Variants in FRMD3 observed in about 807,000 individuals in gnomAD.
FRMD3 encodes the protein FERM domain-containing protein 3.
In FRMD3, 33 loss-of-function variants were observed where a neutral mutation model predicts 70.2. That is an observed-to-expected ratio of 0.47 (90% CI 0.36 to 0.63). FRMD3 has a LOEUF of 0.63. Among genes scored for constraint, FRMD3 ranks in the 20% least tolerant of loss-of-function variants. The pLI is 0.00. For synonymous variants in FRMD3, 279 were observed against 255.9 expected, an observed-to-expected ratio of 1.09 and a Z score of -0.86; for missense variants, 632 against 711.4, an observed-to-expected ratio of 0.89 and a Z score of 1.27.
intron 1 of FRMD3, among the ~76,000 whole-genome samples, chr9:83,479,755 G>GAA (rs1564097028): frequency 6.5e-5 from 4 of 61,434 alleles, no homozygotes; most frequent in African/African-American, 2.5e-4. Flanking sequence ...GAAAAGAGAA[G>GAA]AAGAAGGGAG....
the FRMD3 span, among the ~76,000 whole-genome samples, chr9:83,551,875 T>C: frequency 6.6e-6 from 1 of 151,888 alleles, no homozygotes; most frequent in African/African-American, 2.4e-5. Flanking sequence ...GCTTCTTAAT[T>C]AGTCTAGCTA....
At chr9:83,291,018 A>C (rs1322375984) in intron 12 of FRMD3, among the ~76,000 whole-genome samples, 1 of 152,198 alleles carries the variant, frequency 6.6e-6, no homozygotes, top group Non-Finnish European at 1.5e-5. Flanking sequence ...GTTTTTTAAA[A>C]AAAAAGAAAG....
intron 6 of FRMD3, among the ~76,000 whole-genome samples, chr9:83,313,994 G>A (rs369001904): frequency 2.6e-5 from 4 of 152,172 alleles, no homozygotes; most frequent in East Asian, 1.9e-4. Flanking sequence ...CCAGTGATCC[G>A]TACAGTTAAT....
chr9:83,274,444 T>G (rs1833725810), intron 13 of FRMD3, among the ~76,000 whole-genome samples: 1 of 152,192 alleles, frequency 6.6e-6, no homozygotes, highest in Non-Finnish European at 1.5e-5. Context: ...TAATGCCATG[T>G]CATGTCAAGA....
At chr9:83,557,709 T>C in the FRMD3 span, among the ~76,000 whole-genome samples, 1 of 152,170 alleles carries the variant, frequency 6.6e-6, no homozygotes, top group African/African-American at 2.4e-5. Context: ...AATCAAACTA[T>C]TGCAGATGAA....
intron 13 of FRMD3, among the ~76,000 whole-genome samples, chr9:83,254,923 C>T (rs928011053): frequency 2.6e-5 from 4 of 152,032 alleles, no homozygotes; most frequent in African/African-American, 9.7e-5. Context: ...AAGACAGATT[C>T]AGAACTGAAA....
intron 3 of FRMD3, among the ~76,000 whole-genome samples, chr9:83,370,730 G>T (rs1824944251): frequency 6.6e-6 from 1 of 152,142 alleles, no homozygotes; most frequent in Admixed American, 6.5e-5. Context: ...TGGCCAACAT[G>T]GTGAAACCCG....
intron 1 of FRMD3, among the ~76,000 whole-genome samples, chr9:83,527,928 T>C (rs1349483855): frequency 1.3e-5 from 2 of 152,222 alleles, no homozygotes; most frequent in African/African-American, 2.4e-5. Flanking sequence ...AAGAGGGCCA[T>C]GTTATCCTCC....
intron 3 of FRMD3, among the ~76,000 whole-genome samples, chr9:83,366,184 A>T (rs1041765088): frequency 6.6e-6 from 1 of 150,996 alleles, no homozygotes; most frequent in Non-Finnish European, 1.5e-5. Context: ...CATATGGAAG[A>T]AAAAAAAACA....
At chr9:83,500,092 G>T (rs904156744) in intron 1 of FRMD3, among the ~76,000 whole-genome samples, 1 of 152,072 alleles carries the variant, frequency 6.6e-6, no homozygotes, top group African/African-American at 2.4e-5. Flanking sequence ...GGAGAAGAAC[G>T]GAGGGATGAA....
chr9:83,332,235 C>T (rs1471389012), intron 6 of FRMD3, among the ~76,000 whole-genome samples: 1 of 152,214 alleles, frequency 6.6e-6, no homozygotes, highest in Non-Finnish European at 1.5e-5. Flanking sequence ...TCCTCCAGTA[C>T]AGTGAAGGAC....
chr9:83,518,645 A>T (rs1829503917), intron 1 of FRMD3, among the ~76,000 whole-genome samples: 1 of 152,126 alleles, frequency 6.6e-6, no homozygotes. Context: ...ACTACTTTAA[A>T]TTTCATGTGG....
chr9:83,585,411 C>T, the FRMD3 span, among the ~76,000 whole-genome samples: 1 of 152,210 alleles, frequency 6.6e-6, no homozygotes, highest in Non-Finnish European at 1.5e-5. Flanking sequence ...GTTTCTTCCT[C>T]TCTATTCACA....
chr9:83,404,565 G>C (rs1826044072), intron 1 of FRMD3, among the ~76,000 whole-genome samples: 1 of 152,122 alleles, frequency 6.6e-6, no homozygotes, highest in African/African-American at 2.4e-5. Context: ...TAAAATCAGA[G>C]CCCCTCTCAG....
At chr9:83,274,401 C>G (rs1833723429) in intron 13 of FRMD3, among the ~76,000 whole-genome samples, 1 of 151,956 alleles carries the variant, frequency 6.6e-6, no homozygotes, top group Admixed American at 6.5e-5. Flanking sequence ...TTTTAAGTAC[C>G]CTGAGGAAGA....
the FRMD3 span, among the ~76,000 whole-genome samples, chr9:83,574,215 G>A: frequency 1.3e-5 from 2 of 152,130 alleles, no homozygotes; most frequent in Non-Finnish European, 2.9e-5. Flanking sequence ...TTTCTTTAGT[G>A]TAATTTCCAT....
chr9:83,358,908 G>A lies in FRMD3; in HGVS notation c.296-9151C>T, dbSNP rs117573578. 1.4e-3 allele frequency among the ~76,000 whole-genome samples: 213 copies of A among 152,180 alleles called. 1 individual carries two copies. The highest frequency in any genetic ancestry group is 1.4e-3 in the Non-Finnish European group (96 of 68,008). ...ATGACGCTTGAGCACCTAAAGGGGA[G>A]AACATTGCTCACTCATTCTCCAACT... On this transcript the variant is annotated intron_variant, in intron 3 of 13. Transcript: ENST00000304195.
chr9:83,283,541 AAAAAAAATAATAAT>A (rs754204209), intron 13 of FRMD3, among the ~76,000 whole-genome samples: 85 of 25,894 alleles, frequency 3.3e-3, no homozygotes, highest in Non-Finnish European at 0.01. Context: ...AAAAAAAAAA[AAAAAAAATAATAAT>A]AATAATAATA....
chr9:83,307,884 C>A (rs1835196204), intron 10 of FRMD3, among the ~76,000 whole-genome samples: 1 of 152,082 alleles, frequency 6.6e-6, no homozygotes, highest in Non-Finnish European at 1.5e-5. Flanking sequence ...AGACTGAGAG[C>A]ATCAAACCCT....
Sources: gnomAD v4.1 joint callset for allele counts (sites outside exome capture counted in the v4.1 genomes callset) on GRCh38, gnomAD v4.1.1 for gene constraint, MANE v1.5 for transcripts, NCBI Gene and HGNC (gene_info 2026-07-23, HGNC 2026-07-21) for gene names.